The following KLHL18 variants were observed in gnomAD, a reference collection of about 807,000 sequenced individuals.
The protein encoded by KLHL18 is kelch-like protein 18.
Under a neutral mutation model 58.5 loss-of-function variants are expected in KLHL18, and 38 were observed. The observed-to-expected ratio is 0.65, with a 90% CI of 0.50 to 0.85. The LOEUF (loss-of-function observed/expected upper bound fraction) is 0.85. Ranked by LOEUF, KLHL18 falls within the 40% of genes least tolerant of loss-of-function variation. KLHL18 has a pLI of 0.00. For missense variants in KLHL18, 624 were observed against 778.4 expected, an observed-to-expected ratio of 0.80 and a Z score of 2.36; for synonymous variants, 303 against 301.9, an observed-to-expected ratio of 1.00 and a Z score of -0.04.
intron 7 of KLHL18, 55 bp from the exon 8 acceptor site, chr3:47,340,517 A>G (rs1704083658): frequency 3.7e-6 from 6 of 1,611,806 alleles, no homozygotes; most frequent in Non-Finnish European, 3.4e-6. Flanking sequence ...TGGGCAAGAG[A>G]GGCTGCTCCA....
chr3:47,284,331 T>C (rs1417726640), intron 1 of KLHL18, among the ~76,000 whole-genome samples: 2 of 133,886 alleles, frequency 1.5e-5, no homozygotes, highest in Admixed American at 1.6e-4. Context: ...TCTTCTTTTC[T>C]TTTTTCTTTT....
intron 1 of KLHL18, among the ~76,000 whole-genome samples, chr3:47,307,825 G>A (rs998471176): frequency 6.6e-6 from 1 of 152,086 alleles, no homozygotes; most frequent in African/African-American, 2.4e-5. Context: ...CATATTATCT[G>A]CAATGCCATT....
chr3:47,296,370 T>TGA (rs1702896849), intron 1 of KLHL18, among the ~76,000 whole-genome samples: 1 of 152,210 alleles, frequency 6.6e-6, no homozygotes, highest in Non-Finnish European at 1.5e-5. Flanking sequence ...ACCTTATGTT[T>TGA]GAGATGCTTC....
chr3:47,309,783 C>T (rs374894529), intron 1 of KLHL18, among the ~76,000 whole-genome samples: 5 of 152,176 alleles, frequency 3.3e-5, no homozygotes, highest in Admixed American at 1.3e-4. Flanking sequence ...GGATCACTCG[C>T]GGTTAGGAGC....
At chr3:47,322,730 G>T (rs772401461) in intron 3 of KLHL18, 22 bp downstream of exon 3, 1 of 1,534,736 alleles carries the variant, frequency 6.5e-7, no homozygotes, top group Admixed American at 2.0e-5. Context: ...TGGTGGGCCT[G>T]GTGGAGAACA....
intron 7 of KLHL18, chr3:47,337,474 A>G (rs1704011047): frequency 6.5e-6 from 1 of 153,098 alleles, no homozygotes; most frequent in Non-Finnish European, 1.5e-5. Flanking sequence ...TATGTCAGAC[A>G]CGTGATGGAG....
chr3:47,334,967 AG>A lies in KLHL18; in HGVS notation c.898+149del. ...GATTTTATACAATTGCTCTACAGTTAGAGCATGTCACATATTCATGCCATTG... is the reference window on the plus strand; with the variant it reads ...GATTTTATACAATTGCTCTACAGTTAAGCATGTCACATATTCATGCCATTG... On this transcript the variant is annotated intron_variant, in intron 6 of 9. Transcript: ENST00000232766. The surrounding 1 kb of genome is among the most constrained non-coding windows in gnomAD (Gnocchi z 4.7). The A allele has an allele frequency of 1.3e-6, 1 of 783,022 alleles. No individual in the cohort carries two copies. Among genetic ancestry groups the A allele is most frequent in the East Asian group, 2.7e-5 (1 of 36,698 alleles). The allele number at this position is 783,022 out of a possible 1,614,324, so 48.5% of individuals were successfully genotyped here. A position where few individuals can be genotyped will look rare whatever the true frequency, so the allele number is the denominator to read the frequency against.
chr3:47,309,764 G>C (rs1332300275), intron 1 of KLHL18, among the ~76,000 whole-genome samples: 1 of 152,214 alleles, frequency 6.6e-6, no homozygotes, highest in Non-Finnish European at 1.5e-5. Context: ...TCGGGAGGCC[G>C]AGGCTGGCGG....
rs1158571561 is a variant in KLHL18, at chr3:47,334,153, C to G, written c.762-530C>G. Among the ~76,000 whole-genome samples the G allele has an allele frequency of 6.6e-6, 1 of 152,034 alleles. No individual in the cohort carries two copies. The highest frequency in any genetic ancestry group is 2.4e-5 in the African/African-American group (1 of 41,386). On this transcript the variant is annotated intron_variant, in intron 5 of 9. Coordinates refer to ENST00000232766, the MANE Select transcript of KLHL18 (RefSeq NM_025010.5). This position sits in a 1 kb window ranked among gnomAD's most constrained non-coding sequence, Gnocchi z 4.7. ...GCTAGGGCCCAGTGACCAGCGGTCT[C>G]AAGGGTGCTGTTGAGGAGTTTGGAC...
intron 6 of KLHL18, 23 bp from the exon 7 acceptor site, chr3:47,336,512 T>C (rs763352902): frequency 1.1e-5 from 18 of 1,605,780 alleles, no homozygotes; most frequent in African/African-American, 6.7e-5. Context: ...TTGTTTTAAT[T>C]TGAGTAGCAA....
At position 47,282,992 on chromosome 3, in the gene KLHL18, G is replaced by C. The variant is rs1192875073; in HGVS notation, c.27G>C (p.Leu9=). MVEDGAEE[L]EDLVHFSVSE... is the part of the protein sequence containing the mutation. ...TGGTGGAGGACGGCGCGGAGGAGCT[G>C]GAGGATCTGGTGCACTTCTCCGTGT... The change falls in exon 1 of 10, where the codon CTG becomes CTC. Residue 9 remains leucine, a synonymous_variant. Transcript: ENST00000232766. 1 of 1,611,308 alleles carries C rather than the reference G, an allele frequency of 6.2e-7. No homozygotes were observed. Among genetic ancestry groups the C allele is most frequent in the East Asian group, 2.2e-5 (1 of 44,740 alleles).
rs140643634 is a variant in KLHL18, at chr3:47,343,812, C to T, written c.1596C>T (p.Tyr532=). The T allele has an allele frequency of 8.9e-5, 143 of 1,614,202 alleles. No individual in the cohort carries two copies. The highest frequency in any genetic ancestry group is 3.1e-4 in the South Asian group (28 of 91,088). The change falls in exon 10 of 10, where the codon TAC becomes TAT. Residue 532 remains tyrosine, a synonymous_variant. Transcript: ENST00000232766. ...GGCGCCTCTACGCTGTTGGGGGCTACGACGGACAGTCAAACCTAAGCTCAG... is the reference window on the plus strand; with the variant it reads ...GGCGCCTCTACGCTGTTGGGGGCTATGACGGACAGTCAAACCTAAGCTCAG... ...SCGRLYAVGG[Y]DGQSNLSSVE...
At chr3:47,283,574 T>C (rs911137240) in intron 1 of KLHL18, 3 of 156,100 alleles carry the variant, frequency 1.9e-5, no homozygotes, top group African/African-American at 7.2e-5. Flanking sequence ...TACTACTTTG[T>C]CTCTTAAGAG....
At chr3:47,293,488 G>A (rs1362410251) in intron 1 of KLHL18, among the ~76,000 whole-genome samples, 1 of 152,180 alleles carries the variant, frequency 6.6e-6, no homozygotes, top group Non-Finnish European at 1.5e-5. Context: ...GCTGTTAAGA[G>A]TCAAATTGTA....
intron 7 of KLHL18, 154 bp downstream of exon 7, chr3:47,336,911 C>G: frequency 1.6e-6 from 1 of 639,786 alleles, no homozygotes; most frequent in South Asian, 1.9e-5. Context: ...CTCCTGGGAG[C>G]GAGCCCCCAT....
In KLHL18 at chr3:47,343,554, G is replaced by A; in HGVS notation, c.1339-1G>A. 1 of 1,613,134 alleles carries A rather than the reference G, an allele frequency of 6.2e-7. No individual in the cohort carries two copies. Among genetic ancestry groups the A allele is most frequent in the Non-Finnish European group, 8.5e-7 (1 of 1,180,024 alleles). The stretch of plus-strand genomic sequence containing the variant: ...TACCTGTGCCTCTCTCCCCACTGCA[G>A]GTGGAACACTACAACCACCACACAG... On this transcript the variant is annotated splice_acceptor_variant, in intron 9 of 9. Coordinates refer to ENST00000232766, the MANE Select transcript of KLHL18 (RefSeq NM_025010.5). LOFTEE classifies it high-confidence loss of function.
chr3:47,305,247 A>G (rs1312629157), intron 1 of KLHL18, among the ~76,000 whole-genome samples: 1 of 150,120 alleles, frequency 6.7e-6, no homozygotes, highest in Non-Finnish European at 1.5e-5. Flanking sequence ...AGTTTTTTGT[A>G]GATGTTCTTT....
At chr3:47,304,760 A>G (rs1036172014) in intron 1 of KLHL18, among the ~76,000 whole-genome samples, 4 of 151,776 alleles carry the variant, frequency 2.6e-5, no homozygotes, top group Non-Finnish European at 2.9e-5. Flanking sequence ...GCTGTGGCTC[A>G]CACTTGTAAT....
intron 2 of KLHL18, 27 bp downstream of exon 2, chr3:47,319,810 C>A: frequency 1.2e-6 from 2 of 1,610,178 alleles, no homozygotes; most frequent in South Asian, 2.2e-5. Flanking sequence ...TTAGGTTTCG[C>A]AGGCTGCTTT....
Sources: allele counts gnomAD v4.1 joint callset (sites outside exome capture counted in the v4.1 genomes callset), GRCh38; gene constraint gnomAD v4.1.1; non-coding constraint Gnocchi (gnomAD v3.1); transcripts MANE v1.5; gene names NCBI Gene and HGNC (gene_info 2026-07-23, HGNC 2026-07-21).